Variants in PILRB observed in about 807,000 individuals in gnomAD.
PILRB encodes paired immunoglobin like type 2 receptor beta, also known as paired immunoglobulin-like type 2 receptor beta.
Under a neutral mutation model 20.5 loss-of-function variants are expected in PILRB, and 21 were observed. That is an observed-to-expected ratio of 1.02 (90% CI 0.72 to 1.47). PILRB has a LOEUF of 1.47. PILRB is among the 40% of genes most tolerant of loss of function. The pLI is 0.00. For synonymous variants in PILRB, 133 were observed against 115.1 expected, an observed-to-expected ratio of 1.16 and a Z score of -0.99; for missense variants, 253 against 272.1, an observed-to-expected ratio of 0.93 and a Z score of 0.49.
At position 100,358,973 on chromosome 7, in the gene PILRB, G is replaced by C; in HGVS notation, c.348G>C (p.Arg116=). The C allele has an allele frequency of 1.9e-6, 3 of 1,614,164 alleles. No individual in the cohort carries two copies. Among genetic ancestry groups the C allele is most frequent in the Non-Finnish European group, 2.5e-6 (3 of 1,180,036 alleles). ...GCTTCCTCAGGATCTCAAACCTGCG[G>C]AAGGAGGACCAGTCTGTGTATTTCT... ...ESGFLRISNL[R]KEDQSVYFCR... The change falls in exon 2 of 4, where the codon CGG becomes CGC. Residue 116 remains arginine, a synonymous_variant. Coordinates refer to ENST00000609309, the MANE Select transcript of PILRB (RefSeq NM_178238.4).
intron 3 of PILRB, among the ~76,000 whole-genome samples, chr7:100,360,669 A>G (rs1340828633): frequency 6.6e-6 from 1 of 152,194 alleles, no homozygotes; most frequent in African/African-American, 2.4e-5. Context: ...CTATGGAGGA[A>G]TGGCCAGAGG....
rs986926158 is a variant in PILRB, at chr7:100,359,384, G to A, written c.502G>A (p.Ala168Thr). Residue 168 changes from alanine to threonine, a missense_variant, in exon 3 of 4, where the codon GCC (alanine) becomes ACC (threonine). Physicochemically the swap from Ala to Thr is moderately conservative, Grantham distance 58 (BLOSUM62 0). Coordinates refer to ENST00000609309, the MANE Select transcript of PILRB (RefSeq NM_178238.4). ...TWRPSSTTTI[A>T]GLRVTESKGH... Reference sequence around the variant, plus strand: ...GAGGCCCAGCAGCACAACCACCATAGCCGGCCTCAGGGTCACAGAAAGCAA... The same window carrying A: ...GAGGCCCAGCAGCACAACCACCATAACCGGCCTCAGGGTCACAGAAAGCAA... 6.2e-7 allele frequency: 1 copy of A among 1,614,012 alleles called. No individual in the cohort carries two copies.
intron 3 of PILRB, among the ~76,000 whole-genome samples, chr7:100,365,081 C>T (rs1486037484): frequency 1.3e-5 from 2 of 152,172 alleles, no homozygotes; most frequent in Non-Finnish European, 2.9e-5. Flanking sequence ...TTCACTGCAA[C>T]CTCCGCCTCC....
intron 3 of PILRB, among the ~76,000 whole-genome samples, chr7:100,367,092 C>G (rs867068435): frequency 5.9e-5 from 9 of 152,116 alleles, no homozygotes; most frequent in Admixed American, 3.3e-4. Context: ...TCCCCCTACA[C>G]GTCAGCAGCG....
chr7:100,362,244 A>C (rs1219457373), intron 3 of PILRB, among the ~76,000 whole-genome samples: 2 of 152,114 alleles, frequency 1.3e-5, no homozygotes, highest in Non-Finnish European at 2.9e-5. Context: ...CCAGATAAAG[A>C]CCCTGCAAGA....
chr7:100,359,052 A>G lies in PILRB; in HGVS notation c.427A>G (p.Lys143Glu), dbSNP rs774626263. The change falls in exon 2 of 4, where the codon AAG becomes GAG. Residue 143 changes from lysine (K) to glutamate (E), a missense_variant. By Grantham distance (56) the Lys-to-Glu change is moderately conservative. Transcript: ENST00000609309. ...RSGRQQLQSI[K>E]GTKLTITQAV... is the part of the protein sequence containing the mutation. The stretch of plus-strand genomic sequence containing the variant: ...AGGGAGGCAGCAGTTGCAGTCCATC[A>G]AGGGGACCAAACTCACCATCACCCA... 9.3e-6 allele frequency: 15 copies of G among 1,614,016 alleles called. No homozygotes were observed. Among genetic ancestry groups the G allele is most frequent in the South Asian group, 5.5e-5 (5 of 91,090 alleles).
chr7:100,363,818 G>A (rs1790597959), intron 3 of PILRB, among the ~76,000 whole-genome samples: 2 of 151,990 alleles, frequency 1.3e-5, no homozygotes, highest in Middle Eastern at 3.2e-3. Flanking sequence ...CTGAAATAAA[G>A]ACATAAATAG....
rs1790461878 is a variant in PILRB at position 100,359,381 on chromosome 7, A to G, written c.499A>G (p.Ile167Val). ...CTGGAGGCCCAGCAGCACAACCACCATAGCCGGCCTCAGGGTCACAGAAAG... is the reference window on the plus strand; with the variant it reads ...CTGGAGGCCCAGCAGCACAACCACCGTAGCCGGCCTCAGGGTCACAGAAAG... ...TTWRPSSTTT[I>V]AGLRVTESKG... The change falls in exon 3 of 4, where the codon ATA (isoleucine) becomes GTA (valine). Residue 167 changes from isoleucine to valine, a missense_variant. Ile to Val is a conservative substitution (Grantham distance 29). Transcript: ENST00000609309. 2 of 1,614,146 alleles carry G rather than the reference A, an allele frequency of 1.2e-6. No homozygotes were observed. The highest frequency in any genetic ancestry group is 4.5e-5 in the East Asian group (2 of 44,888).
intron 3 of PILRB, among the ~76,000 whole-genome samples, chr7:100,360,486 C>A (rs953124284): frequency 6.6e-6 from 1 of 152,128 alleles, no homozygotes; most frequent in Non-Finnish European, 1.5e-5. Flanking sequence ...CACTCACTTT[C>A]CTTGTGGGTG....
chr7:100,364,177 T>C (rs1790610411), intron 3 of PILRB, among the ~76,000 whole-genome samples: 1 of 149,930 alleles, frequency 6.7e-6, no homozygotes. Context: ...AACCCTCACA[T>C]AGATAGTCAA....
chr7:100,363,968 C>T lies in PILRB; in HGVS notation c.656-3381C>T, dbSNP rs181531188. Among the ~76,000 whole-genome samples the T allele has an allele frequency of 2.7e-3, 408 of 152,028 alleles. 6 individuals carry two copies. Among genetic ancestry groups the T allele is most frequent in the African/African-American group, 9.1e-3 (376 of 41,478 alleles). On this transcript the variant is annotated intron_variant, in intron 3 of 3. Transcript: ENST00000609309. ...TACTAAAAATACAAAATTAGCCAGG[C>T]GTGGTGGCGCATGTCTGTAATCCCA... is the stretch of plus-strand genomic sequence containing the variant.
chr7:100,367,495 G>T lies in PILRB; in HGVS notation c.*118G>T. On this transcript the variant is annotated 3_prime_UTR_variant, in exon 4 of 4. Coordinates refer to ENST00000609309, the MANE Select transcript of PILRB (RefSeq NM_178238.4). Reference sequence around the variant, plus strand: ...CAAGATACATGGAGAGCACCCTGAGGACCTTTAAAAGGCAAAGCCGCAAGG... The same window carrying T: ...CAAGATACATGGAGAGCACCCTGAGTACCTTTAAAAGGCAAAGCCGCAAGG... 1.4e-6 allele frequency: 1 copy of T among 733,500 alleles called. No individual in the cohort carries two copies. Among genetic ancestry groups the T allele is most frequent in the South Asian group, 1.4e-5 (1 of 70,666 alleles). 45.4% of individuals were successfully genotyped at this position (733,500 alleles called of 1,614,324 possible).
intron 3 of PILRB, among the ~76,000 whole-genome samples, chr7:100,364,694 C>T (rs1563110469): frequency 6.6e-6 from 1 of 152,242 alleles, no homozygotes; most frequent in African/African-American, 2.4e-5. Context: ...AACAATCTCA[C>T]TTCTGGGCAT....
chr7:100,365,804 C>T (rs1381211988), intron 3 of PILRB, among the ~76,000 whole-genome samples: 1 of 152,054 alleles, frequency 6.6e-6, no homozygotes, highest in Admixed American at 6.6e-5. Flanking sequence ...GGTGACACAG[C>T]AAGACTCTGT....
chr7:100,363,705 A>G (rs1790594665), intron 3 of PILRB, among the ~76,000 whole-genome samples: 1 of 152,240 alleles, frequency 6.6e-6, no homozygotes, highest in Non-Finnish European at 1.5e-5. Context: ...ATCTGAAAGC[A>G]CTACCACAAA....
chr7:100,359,437 T>C lies in PILRB; in HGVS notation c.555T>C (p.Ser185=). 1 of 1,614,086 alleles carries C rather than the reference T, an allele frequency of 6.2e-7. No individual in the cohort carries two copies. The highest frequency in any genetic ancestry group is 8.5e-7 in the Non-Finnish European group (1 of 1,179,978). ...GGCACTCAGAATCATGGCACCTAAG[T>C]CTGGACACTGCCATCAGGGTTGCAT... ...SKGHSESWHL[S]LDTAIRVALA... Residue 185 remains serine (S), a synonymous_variant, in exon 3 of 4, where the codon AGT becomes AGC. Transcript: ENST00000609309.
Position 100,359,406 on chromosome 7 carries a change from G to A in PILRB, c.524G>A (p.Ser175Asn). 2 of 1,614,134 alleles carry A rather than the reference G, an allele frequency of 1.2e-6. No individual in the cohort carries two copies. The highest frequency in any genetic ancestry group is 1.7e-6 in the Non-Finnish European group (2 of 1,180,022). Residue 175 changes from serine to asparagine, a missense_variant, in exon 3 of 4, where the codon AGC becomes AAC. Ser to Asn is a conservative substitution (Grantham distance 46). Coordinates refer to ENST00000609309, the MANE Select transcript of PILRB (RefSeq NM_178238.4). ...ATAGCCGGCCTCAGGGTCACAGAAA[G>A]CAAAGGGCACTCAGAATCATGGCAC... is the stretch of plus-strand genomic sequence containing the variant. ...TTIAGLRVTE[S>N]KGHSESWHLS... is the part of the protein sequence containing the mutation.
intron 3 of PILRB, among the ~76,000 whole-genome samples, chr7:100,365,390 A>G (rs889935876): frequency 6.6e-6 from 1 of 152,248 alleles, no homozygotes; most frequent in African/African-American, 2.4e-5. Flanking sequence ...CTAGTCACAA[A>G]AAGATAAATA....
At chr7:100,360,811 C>T (rs767229066) in intron 3 of PILRB, among the ~76,000 whole-genome samples, 43 of 152,218 alleles carry the variant, frequency 2.8e-4, no homozygotes, top group Non-Finnish European at 5.4e-4. Flanking sequence ...CAGGAAGAAG[C>T]ACCCGTTTCC....
Sources: gnomAD v4.1 joint callset for allele counts (sites outside exome capture counted in the v4.1 genomes callset) on GRCh38, gnomAD v4.1.1 for gene constraint, MANE v1.5 for transcripts, NCBI Gene and HGNC (gene_info 2026-07-23, HGNC 2026-07-21) for gene names.